The following ADCK1 variants were observed in gnomAD, a reference collection of about 807,000 sequenced individuals.
ADCK1 encodes aarF domain containing kinase 1, also known as aarF domain-containing protein kinase 1.
In ADCK1, 41 loss-of-function variants were observed where a neutral mutation model predicts 52.3. The observed-to-expected ratio is 0.78, with a 90% confidence interval of 0.61 to 1.02. ADCK1 has a LOEUF of 1.02. ADCK1 is among the 50% of genes least tolerant of loss of function. The probability of loss-of-function intolerance (pLI) is 0.00; values close to 1 mark genes in which losing one functional copy is unlikely to be tolerated. For synonymous variants in ADCK1, 250 were observed against 274.6 expected (o/e 0.91, Z 0.89); for missense variants, 658 against 679.5 (o/e 0.97, Z 0.35).
intron 9 of ADCK1, among the ~76,000 whole-genome samples, chr14:77,930,035 G>T (rs919593855): frequency 1.1e-4 from 16 of 152,192 alleles, no homozygotes; most frequent in Non-Finnish European, 1.3e-4. Context: ...CCATCAGGAT[G>T]TGTCTTAGCT....
chr14:77,870,728 A>G (rs1446491750), intron 4 of ADCK1, among the ~76,000 whole-genome samples: 2 of 152,180 alleles, frequency 1.3e-5, no homozygotes, highest in Admixed American at 6.5e-5. Context: ...GACAAATGCC[A>G]TGGTTATGGC....
chr14:77,921,023 T>C (rs1369813427), intron 7 of ADCK1, among the ~76,000 whole-genome samples: 1 of 151,800 alleles, frequency 6.6e-6, no homozygotes, highest in Non-Finnish European at 1.5e-5. Context: ...GGGTATGTAT[T>C]TTTTCTAAGT....
chr14:77,928,268 G>C (rs11621052), intron 9 of ADCK1, among the ~76,000 whole-genome samples: 15,179 of 152,118 alleles, frequency 0.1, 842 homozygotes, highest in Middle Eastern at 0.15. Flanking sequence ...GGTAGTCAAC[G>C]GTTCTCTTGT....
chr14:77,900,022 A>T (rs2140240047), intron 6 of ADCK1, among the ~76,000 whole-genome samples: 1 of 151,254 alleles, frequency 6.6e-6, no homozygotes, highest in Admixed American at 6.6e-5. Context: ...GTGAGCTGAG[A>T]TCACGCCACT....
At chr14:77,918,175 C>T (rs889195140) in intron 7 of ADCK1, among the ~76,000 whole-genome samples, 2 of 152,040 alleles carry the variant, frequency 1.3e-5, no homozygotes, top group Non-Finnish European at 2.9e-5. Context: ...TTCAAGAGGC[C>T]AAAGAAGAGA....
chr14:77,822,628 G>A (rs2081607502), intron 3 of ADCK1, 110 bp downstream of exon 3: 2 of 953,310 alleles, frequency 2.1e-6, no homozygotes, highest in African/African-American at 1.6e-5. Context: ...GGGATTAAAG[G>A]CATGAGCCAC....
chr14:77,878,248 T>G (rs980127261), intron 4 of ADCK1, among the ~76,000 whole-genome samples: 4 of 152,252 alleles, frequency 2.6e-5, no homozygotes, highest in African/African-American at 9.6e-5. Context: ...AAACATATGT[T>G]GGATAGATAA....
intron 1 of ADCK1, among the ~76,000 whole-genome samples, chr14:77,806,086 G>T (rs546982895): frequency 6.7e-6 from 1 of 150,148 alleles, no homozygotes; most frequent in East Asian, 2.0e-4. Flanking sequence ...TGAGGTGGGC[G>T]GATTGCTCGA....
intron 4 of ADCK1, among the ~76,000 whole-genome samples, chr14:77,884,978 G>T (rs1303001901): frequency 6.6e-6 from 1 of 152,212 alleles, no homozygotes; most frequent in Non-Finnish European, 1.5e-5. Flanking sequence ...GGACAGGAAG[G>T]TCTAGCCATT....
At chr14:77,828,615 A>G (rs2081771277) in intron 3 of ADCK1, among the ~76,000 whole-genome samples, 1 of 151,988 alleles carries the variant, frequency 6.6e-6, no homozygotes, top group South Asian at 2.1e-4. Context: ...GCTCACTGCA[A>G]CCTCTGCCTC....
intron 5 of ADCK1, among the ~76,000 whole-genome samples, chr14:77,891,460 A>G (rs1416633285): frequency 1.3e-5 from 2 of 152,216 alleles, no homozygotes; most frequent in African/African-American, 2.4e-5. Context: ...CAGTGAGGAC[A>G]GCTGTCGCTT....
intron 3 of ADCK1, among the ~76,000 whole-genome samples, chr14:77,836,417 A>G (rs1400142087): frequency 1.3e-5 from 2 of 152,240 alleles, no homozygotes; most frequent in East Asian, 3.8e-4. Flanking sequence ...TAGCCCAATG[A>G]GGTAAATACC....
In ADCK1 at chr14:77,822,472, A is replaced by G. The variant is rs765381080; in HGVS notation, c.173A>G (p.Lys58Arg). 6.2e-7 allele frequency: 1 copy of G among 1,614,160 alleles called. No individual in the cohort carries two copies. Among genetic ancestry groups the G allele is most frequent in the Admixed American group, 1.7e-5 (1 of 60,024 alleles). ...VISYDYLTSL[K>R]SVPYGSEEYL... ...AGTTACGACTACCTCACTTCCCTGAAGAGTGTCCCTTATGGCTCAGAGGAG... is the reference window on the plus strand; with the variant it reads ...AGTTACGACTACCTCACTTCCCTGAGGAGTGTCCCTTATGGCTCAGAGGAG... Residue 58 changes from lysine to arginine, a missense_variant, in exon 3 of 11, where the codon AAG becomes AGG. Transcript: ENST00000238561.
chr14:77,822,332 CA>C lies in ADCK1; in HGVS notation c.136-102del, dbSNP rs1353225049. On this transcript the variant is annotated intron_variant, in intron 2 of 10. Transcript: ENST00000238561. ...TTAGGGGTGGGACTGGCCACTCCCCCAGACATAGCAGCTGTGTCAGGGACCT... is the reference window on the plus strand; with the variant it reads ...TTAGGGGTGGGACTGGCCACTCCCCCGACATAGCAGCTGTGTCAGGGACCT... The C allele has an allele frequency of 1.4e-5, 13 of 911,548 alleles. No individual in the cohort carries two copies. In the African/African-American group the frequency reaches 1.8e-4, roughly 13 times the overall value. The allele number at this position is 911,548 out of a possible 1,614,324, so 56.5% of individuals were successfully genotyped here.
intron 1 of ADCK1, among the ~76,000 whole-genome samples, chr14:77,807,038 C>CT (rs770430499): frequency 0.057 from 5,642 of 99,144 alleles, 225 homozygotes; most frequent in African/African-American, 0.077. Context: ...CTCTCTCTCT[C>CT]TTTTTTTTTT....
At chr14:77,898,899 A>T (rs1566715243) in intron 5 of ADCK1, among the ~76,000 whole-genome samples, 2 of 152,332 alleles carry the variant, frequency 1.3e-5, no homozygotes, top group Non-Finnish European at 2.9e-5. Flanking sequence ...CTGTTGGGCT[A>T]TCATCATCTT....
intron 4 of ADCK1, among the ~76,000 whole-genome samples, chr14:77,874,223 G>A (rs117634412): frequency 2.0e-5 from 3 of 152,332 alleles, no homozygotes; most frequent in East Asian, 3.9e-4. Flanking sequence ...CCACCCTGAT[G>A]CCTCTGAGGA....
chr14:77,883,017 G>T (rs551996086), intron 4 of ADCK1, among the ~76,000 whole-genome samples: 90 of 134,408 alleles, frequency 6.7e-4, no homozygotes, highest in African/African-American at 2.3e-3. Flanking sequence ...TCGCACATGT[G>T]TGCACACACA....
chr14:77,811,384 C>T (rs1390097435), intron 1 of ADCK1, among the ~76,000 whole-genome samples: 1 of 152,100 alleles, frequency 6.6e-6, no homozygotes, highest in African/African-American at 2.4e-5. Flanking sequence ...TGGACGAGAT[C>T]ATGAGGTTCA....
Sources: gnomAD v4.1 joint callset for allele counts (sites outside exome capture counted in the v4.1 genomes callset) on GRCh38, gnomAD v4.1.1 for gene constraint, MANE v1.5 for transcripts, NCBI Gene and HGNC (gene_info 2026-07-23, HGNC 2026-07-21) for gene names.